The following TOX variants were observed in gnomAD, a reference collection of about 807,000 sequenced individuals.
The protein encoded by TOX is thymocyte selection-associated high mobility group box protein TOX.
In TOX, 11 loss-of-function variants were observed where a neutral mutation model predicts 53.7. That is an observed-to-expected ratio of 0.20 (90% CI 0.13 to 0.34). The LOEUF (loss-of-function observed/expected upper bound fraction) is 0.34, where lower values mean the gene tolerates loss of function less well. TOX is among the 10% of genes least tolerant of loss of function. TOX has a pLI of 1.00. For synonymous variants in TOX, 225 were observed against 245.3 expected (o/e 0.92, Z 0.77); for missense variants, 570 against 664.6 (o/e 0.86, Z 1.56).
Position 59,118,569 on chromosome 8 carries a change from G to A in TOX, c.102+317C>T, listed in dbSNP as rs937548081. 5.9e-5 allele frequency among the ~76,000 whole-genome samples: 9 copies of A among 152,174 alleles called. No individual in the cohort carries two copies. The highest frequency in any genetic ancestry group is 3.3e-4 in the Admixed American group (5 of 15,290). On this transcript the variant is annotated intron_variant, in intron 1 of 8. Transcript: ENST00000361421. This position sits in a 1 kb window ranked among gnomAD's most constrained non-coding sequence, Gnocchi z 4.1. Reference sequence around the variant, plus strand: ...CCTGGACCCCAGACACACCCCCAAAGTATTCCACGGTTTTCTCTTATTATT... The same window carrying A: ...CCTGGACCCCAGACACACCCCCAAAATATTCCACGGTTTTCTCTTATTATT...
At chr8:58,923,670 A>G (rs1290272102) in intron 3 of TOX, among the ~76,000 whole-genome samples, 1 of 152,128 alleles carries the variant, frequency 6.6e-6, no homozygotes, top group Non-Finnish European at 1.5e-5. Flanking sequence ...TGATTTTCTG[A>G]ATACATACCT....
chr8:58,983,910 C>A (rs934809745), intron 1 of TOX, among the ~76,000 whole-genome samples: 1 of 152,194 alleles, frequency 6.6e-6, no homozygotes, highest in African/African-American at 2.4e-5. Context: ...CCCTTCACTG[C>A]AAATGAATGA....
chr8:59,008,064 CTT>C (rs1002193752), intron 1 of TOX, among the ~76,000 whole-genome samples: 1 of 152,170 alleles, frequency 6.6e-6, no homozygotes, highest in African/African-American at 2.4e-5. Flanking sequence ...GCTACACATT[CTT>C]TTCATTTTTG....
chr8:59,089,800 G>A (rs1187951152), intron 1 of TOX, among the ~76,000 whole-genome samples: 1 of 152,146 alleles, frequency 6.6e-6, no homozygotes, highest in Admixed American at 6.5e-5. Context: ...GTCCAGGCTG[G>A]TCTCAAATTC....
intron 5 of TOX, among the ~76,000 whole-genome samples, chr8:58,834,798 C>A (rs1309535468): frequency 6.6e-6 from 1 of 152,170 alleles, no homozygotes; most frequent in Non-Finnish European, 1.5e-5. Context: ...CACAGGCCTG[C>A]ATCCAACGTG....
chr8:59,000,742 G>C (rs1324968436), intron 1 of TOX, among the ~76,000 whole-genome samples: 3 of 152,044 alleles, frequency 2.0e-5, no homozygotes, highest in African/African-American at 7.2e-5. Context: ...TTTGCTATTT[G>C]TACAGCAATA....
chr8:58,864,056 T>C (rs529984136), intron 3 of TOX, among the ~76,000 whole-genome samples: 4 of 152,174 alleles, frequency 2.6e-5, no homozygotes, highest in African/African-American at 9.6e-5. Flanking sequence ...AGACACACCA[T>C]CTAATTGTTT....
intron 1 of TOX, among the ~76,000 whole-genome samples, chr8:59,039,776 T>C (rs1051209100): frequency 6.6e-6 from 1 of 152,326 alleles, no homozygotes; most frequent in Middle Eastern, 3.4e-3. Context: ...CAGAAAAATA[T>C]CCAGCAAAAA....
chr8:58,933,600 A>G (rs1377177974), intron 3 of TOX, among the ~76,000 whole-genome samples: 2 of 152,122 alleles, frequency 1.3e-5, no homozygotes, highest in African/African-American at 4.8e-5. Context: ...ACACTGAGAC[A>G]GCCAAAGCCA....
At chr8:58,970,660 C>T (rs1253026354) in intron 1 of TOX, among the ~76,000 whole-genome samples, 1 of 152,224 alleles carries the variant, frequency 6.6e-6, no homozygotes, top group Non-Finnish European at 1.5e-5. Flanking sequence ...TGTTGCTTCA[C>T]TACCTCTTTC....
At chr8:58,868,859 GAACAGGAAAA>G (rs1811147714) in intron 3 of TOX, among the ~76,000 whole-genome samples, 1 of 127,590 alleles carries the variant, frequency 7.8e-6, no homozygotes, top group Non-Finnish European at 1.7e-5. Flanking sequence ...AACAGGAAAA[GAACAGGAAAA>G]AAAAAAAAAT....
Position 58,820,210 on chromosome 8 carries a change from C to A in TOX, c.1006-4486G>T, listed in dbSNP as rs112248314. Among the ~76,000 whole-genome samples the A allele has an allele frequency of 3.6e-3, 543 of 151,344 alleles. 2 individuals are homozygous for A. The highest frequency in any genetic ancestry group is 0.013 in the African/African-American group (519 of 41,236). On this transcript the variant is annotated intron_variant, in intron 6 of 8. Coordinates refer to ENST00000361421, the MANE Select transcript of TOX (RefSeq NM_014729.3). ...TTTAATTGAACTAAGCATTGTGCTT[C>A]TTTACTACTGACTATGGAAACAGAG...
intron 1 of TOX, among the ~76,000 whole-genome samples, chr8:59,070,959 T>C (rs1287575015): frequency 6.6e-6 from 1 of 152,156 alleles, no homozygotes; most frequent in Non-Finnish European, 1.5e-5. Flanking sequence ...CAGAAAAAGC[T>C]AGCAATATCC....
intron 5 of TOX, among the ~76,000 whole-genome samples, chr8:58,834,848 C>T (rs1382317587): frequency 1.3e-5 from 2 of 152,168 alleles, no homozygotes; most frequent in Non-Finnish European, 2.9e-5. Flanking sequence ...TGCAGCCTCA[C>T]TCTCTTGGTT....
chr8:59,038,948 G>A (rs920403976), intron 1 of TOX, among the ~76,000 whole-genome samples: 8 of 152,204 alleles, frequency 5.3e-5, no homozygotes, highest in Admixed American at 2.0e-4. Context: ...CTGGACTCGG[G>A]GAATGCCAGT....
At chr8:58,873,140 A>G (rs1055244680) in intron 3 of TOX, among the ~76,000 whole-genome samples, 3 of 152,132 alleles carry the variant, frequency 2.0e-5, no homozygotes, top group Non-Finnish European at 4.4e-5. Context: ...TTGTTAATGC[A>G]ATTATAACGT....
intron 1 of TOX, among the ~76,000 whole-genome samples, chr8:59,077,394 T>A (rs73256337): frequency 0.012 from 1,861 of 152,166 alleles, 52 homozygotes; most frequent in African/African-American, 0.042. Context: ...AAGTTTAGAG[T>A]GTCTTCTTAG....
chr8:59,072,619 T>C (rs980475565), intron 1 of TOX, among the ~76,000 whole-genome samples: 2 of 152,204 alleles, frequency 1.3e-5, no homozygotes, highest in Non-Finnish European at 2.9e-5. Flanking sequence ...TTCACAGAAA[T>C]GTGAAACTAC....
chr8:58,909,293 A>C (rs1811870215), intron 3 of TOX, among the ~76,000 whole-genome samples: 1 of 152,194 alleles, frequency 6.6e-6, no homozygotes. Context: ...AAACCACCAT[A>C]GCACACAGTT....
Sources: allele counts gnomAD v4.1 joint callset (sites outside exome capture counted in the v4.1 genomes callset), GRCh38; gene constraint gnomAD v4.1.1; non-coding constraint Gnocchi (gnomAD v3.1); transcripts MANE v1.5; gene names NCBI Gene and HGNC (gene_info 2026-07-23, HGNC 2026-07-21).